Variants in TM6SF1 observed in about 807,000 individuals in gnomAD.
TM6SF1 encodes the protein transmembrane 6 superfamily member 1.
A neutral mutation model predicts 47.1 loss-of-function variants in TM6SF1; 43 were observed. The ratio of observed to expected loss-of-function variants is 0.91; its 90% CI spans 0.72 to 1.18. The LOEUF (loss-of-function observed/expected upper bound fraction) is 1.18. TM6SF1 is among the 50% of genes most tolerant of loss of function. The probability of loss-of-function intolerance (pLI) is 0.00; values close to 1 mark genes in which losing one functional copy is unlikely to be tolerated. For synonymous variants in TM6SF1, 177 were observed against 166.3 expected (o/e 1.06, Z -0.49); for missense variants, 390 against 449.0 (o/e 0.87, Z 1.19).
At position 83,121,964 on chromosome 15, in the gene TM6SF1, A is replaced by T; in HGVS notation, c.442A>T (p.Ile148Phe). ...TGGCCTATATTGGGTTGGATCTATT[A>T]TTATGAGTGTTGTTGTTTTTGTGCC... ...TIGLYWVGSIIMSVVVFVPGN... is the reference protein window; with the variant it reads ...TIGLYWVGSIFMSVVVFVPGN... The change falls in exon 5 of 10, where the codon ATT (isoleucine) becomes TTT (phenylalanine). Residue 148 changes from isoleucine (I) to phenylalanine (F), a missense_variant. Physicochemically the swap from Ile to Phe is conservative, Grantham distance 21. Transcript: ENST00000322019. 2 of 1,611,706 alleles carry T rather than the reference A, an allele frequency of 1.2e-6. No individual in the cohort carries two copies. Among genetic ancestry groups the T allele is most frequent in the Non-Finnish European group, 1.7e-6 (2 of 1,179,452 alleles).
In TM6SF1 at chr15:83,126,800, T is replaced by C; in HGVS notation, c.754T>C (p.Phe252Leu). The C allele has an allele frequency of 6.2e-7, 1 of 1,614,102 alleles. No individual in the cohort carries two copies. Among genetic ancestry groups the C allele is most frequent in the Non-Finnish European group, 8.5e-7 (1 of 1,179,976 alleles). ...TGAGCTCTGCCGATTATATACGCAATTTCAAGAGCCCTATCTAAAGGATCC... is the reference window on the plus strand; with the variant it reads ...TGAGCTCTGCCGATTATATACGCAACTTCAAGAGCCCTATCTAAAGGATCC... ...PSELCRLYTQ[F>L]QEPYLKDPAA... The change falls in exon 8 of 10, where the codon TTT becomes CTT. Residue 252 changes from phenylalanine to leucine, a missense_variant. By Grantham distance (22) the Phe-to-Leu change is conservative. Transcript: ENST00000322019.
At chr15:83,124,850 T>C in intron 7 of TM6SF1, 74 bp downstream of exon 7, 1 of 1,323,164 alleles carries the variant, frequency 7.6e-7, no homozygotes, top group Non-Finnish European at 1.1e-6. Context: ...AACTTAGAAA[T>C]ATGTTTTTGT....
chr15:83,118,021 G>C (rs2034836978), intron 3 of TM6SF1, among the ~76,000 whole-genome samples: 1 of 152,200 alleles, frequency 6.6e-6, no homozygotes, highest in Admixed American at 6.5e-5. Flanking sequence ...ATGAAAAAAT[G>C]ACCATGTGGT....
At chr15:83,134,353 T>C (rs2036470064) in intron 9 of TM6SF1, 1 of 152,200 alleles carries the variant, frequency 6.6e-6, no homozygotes, top group Non-Finnish European at 1.5e-5. Context: ...CCCGAGCAGC[T>C]GAGATTACAG....
chr15:83,126,808 G>C lies in TM6SF1; in HGVS notation c.762G>C (p.Glu254Asp). 5 of 1,613,976 alleles carry C rather than the reference G, an allele frequency of 3.1e-6. No individual in the cohort carries two copies. Among genetic ancestry groups the C allele is most frequent in the Non-Finnish European group, 3.4e-6 (4 of 1,179,930 alleles). Reference protein sequence around the residue: ...ELCRLYTQFQEPYLKDPAAYP... With the variant: ...ELCRLYTQFQDPYLKDPAAYP... Reference sequence around the variant, plus strand: ...GCCGATTATATACGCAATTTCAAGAGCCCTATCTAAAGGATCCTGCTGCTT... The same window carrying C: ...GCCGATTATATACGCAATTTCAAGACCCCTATCTAAAGGATCCTGCTGCTT... Residue 254 changes from glutamate to aspartate, a missense_variant, in exon 8 of 10, where the codon GAG becomes GAC. Glu to Asp is a conservative substitution (Grantham distance 45). Transcript: ENST00000322019.
intron 1 of TM6SF1, 66 bp from the exon 2 acceptor site, chr15:83,112,731 C>T: frequency 8.7e-7 from 1 of 1,154,328 alleles, no homozygotes; most frequent in East Asian, 2.3e-5. Flanking sequence ...ATTCAATAGT[C>T]AGGAAATTCC....
rs146679264 is a variant in TM6SF1 at position 83,121,721 on chromosome 15, A to G, written c.399-200A>G. Reference sequence around the variant, plus strand: ...TAATTTCCTATTTAAAAGGACACGAAGAAGGTTCTATAGTATATCACATGG... The same window carrying G: ...TAATTTCCTATTTAAAAGGACACGAGGAAGGTTCTATAGTATATCACATGG... On this transcript the variant is annotated intron_variant, in intron 4 of 9. Transcript: ENST00000322019. 5.9e-5 allele frequency among the ~76,000 whole-genome samples: 9 copies of G among 152,364 alleles called. No homozygotes were observed. In the East Asian group the frequency reaches 1.7e-3, roughly 29 times the overall value.
chr15:83,110,667 C>T (rs945864947), intron 1 of TM6SF1, among the ~76,000 whole-genome samples: 2 of 152,050 alleles, frequency 1.3e-5, no homozygotes, highest in Admixed American at 1.3e-4. Context: ...GTCAGCTGAC[C>T]CAGCACACCC....
chr15:83,107,646 G>C lies in TM6SF1; in HGVS notation c.-35G>C. ...GGAAGCTGGGGCGGGGCGCCCAGCG[G>C]GATGCGGTGAAGGGCGAGCGGCGCG... On this transcript the variant is annotated 5_prime_UTR_variant, in exon 1 of 10. Transcript: ENST00000322019. The surrounding 1 kb of genome is among the most constrained non-coding windows in gnomAD (Gnocchi z 5.6). 6.8e-7 allele frequency: 1 copy of C among 1,480,934 alleles called. No individual in the cohort carries two copies. Among genetic ancestry groups the C allele is most frequent in the Non-Finnish European group, 9.0e-7 (1 of 1,112,820 alleles). 91.7% of individuals were successfully genotyped at this position (1,480,934 alleles called of 1,614,324 possible).
At chr15:83,121,839 AAAT>A (rs2035281843) in intron 4 of TM6SF1, 79 bp from the exon 5 acceptor site, 1 of 1,028,294 alleles carries the variant, frequency 9.7e-7, no homozygotes, top group Non-Finnish European at 1.5e-6. Context: ...TTTGAATACA[AAAT>A]AATATTGAAG....
chr15:83,116,332 T>A (rs533084556), intron 3 of TM6SF1, among the ~76,000 whole-genome samples: 2 of 152,222 alleles, frequency 1.3e-5, no homozygotes, highest in Non-Finnish European at 2.9e-5. Context: ...AGGCACTTGA[T>A]GAAGTCATTT....
intron 1 of TM6SF1, among the ~76,000 whole-genome samples, chr15:83,108,745 A>G (rs1339159728): frequency 6.6e-6 from 1 of 152,128 alleles, no homozygotes; most frequent in Non-Finnish European, 1.5e-5. Flanking sequence ...GTAGGCTGCA[A>G]ACCCCCTTCA....
At chr15:83,127,509 T>C (rs2035875762) in intron 9 of TM6SF1, 32 bp downstream of exon 9, 1 of 1,611,830 alleles carries the variant, frequency 6.2e-7, no homozygotes, top group Non-Finnish European at 8.5e-7. Context: ...GAAGGTTTAC[T>C]TGTGGTCTAG....
At chr15:83,131,447 A>G (rs2036242955) in intron 9 of TM6SF1, 1 of 152,318 alleles carries the variant, frequency 6.6e-6, no homozygotes, top group Non-Finnish European at 1.5e-5. Context: ...CCTGGCCAAC[A>G]TGACGAAACC....
chr15:83,124,464 A>G (rs1798022263), intron 6 of TM6SF1, among the ~76,000 whole-genome samples: 1 of 152,198 alleles, frequency 6.6e-6, no homozygotes, highest in South Asian at 2.1e-4. Flanking sequence ...TCGAGAGATC[A>G]TTTAGCCCAA....
chr15:83,123,838 T>G (rs541090218), intron 6 of TM6SF1, among the ~76,000 whole-genome samples: 1 of 152,378 alleles, frequency 6.6e-6, no homozygotes, highest in South Asian at 2.1e-4. Flanking sequence ...CTTATCATTA[T>G]TTTTAATGTG....
chr15:83,136,008 CCCTTT>C (rs2036584799), intron 9 of TM6SF1: 1 of 152,516 alleles, frequency 6.6e-6, no homozygotes, highest in Non-Finnish European at 1.5e-5. Context: ...CCCAGTGCTT[CCCTTT>C]CAATAGTTTA....
chr15:83,115,867 C>A lies in TM6SF1; in HGVS notation c.219C>A (p.Thr73=), dbSNP rs532316248. The change falls in exon 3 of 10, where the codon ACC becomes ACA. Residue 73 remains threonine (T), a synonymous_variant. Coordinates refer to ENST00000322019, the MANE Select transcript of TM6SF1 (RefSeq NM_023003.5). ...LFYVYAVFGF[T]SVVNLIIGLE... is the part of the protein sequence containing the mutation. ...TAGTGTATGCAGTTTTTGGATTTACCAGCGTGGTGAACCTCATCATAGGAC... is the reference window on the plus strand; with the variant it reads ...TAGTGTATGCAGTTTTTGGATTTACAAGCGTGGTGAACCTCATCATAGGAC... 1.1e-5 allele frequency: 17 copies of A among 1,613,986 alleles called. No homozygotes were observed. The highest frequency in any genetic ancestry group is 1.4e-5 in the Non-Finnish European group (16 of 1,179,940).
In TM6SF1 at chr15:83,112,782, T is replaced by A; in HGVS notation, c.93-15T>A. Reference sequence around the variant, plus strand: ...TATTTTGATAGTGACCACCTCCCTGTTCTGGTCGTTGCAGTTCCTGGACTA... The same window carrying A: ...TATTTTGATAGTGACCACCTCCCTGATCTGGTCGTTGCAGTTCCTGGACTA... On this transcript the variant is annotated splice_polypyrimidine_tract_variant and intron_variant, in intron 1 of 9. Transcript: ENST00000322019. 2 of 1,593,790 alleles carry A rather than the reference T, an allele frequency of 1.3e-6. No individual in the cohort carries two copies. The highest frequency in any genetic ancestry group is 1.7e-6 in the Non-Finnish European group (2 of 1,161,406).
Sources: allele counts gnomAD v4.1 joint callset (sites outside exome capture counted in the v4.1 genomes callset), GRCh38; gene constraint gnomAD v4.1.1; non-coding constraint Gnocchi (gnomAD v3.1); transcripts MANE v1.5; gene names NCBI Gene and HGNC (gene_info 2026-07-23, HGNC 2026-07-21).